Variants in KCNG2 observed in about 807,000 individuals in gnomAD.
KCNG2 encodes the protein potassium voltage-gated channel modifier subfamily G member 2, also known as voltage-gated potassium channel regulatory subunit KCNG2.
A neutral mutation model predicts 12.3 loss-of-function variants in KCNG2; 7 were observed. That is an observed-to-expected ratio of 0.57 (90% CI 0.32 to 1.07). The LOEUF (loss-of-function observed/expected upper bound fraction) is 1.07, where lower values mean the gene tolerates loss of function less well. Among genes scored for constraint, KCNG2 ranks in the 50% least tolerant of loss-of-function variants. KCNG2 has a pLI of 0.04. For missense variants in KCNG2, 703 were observed against 726.0 expected, an observed-to-expected ratio of 0.97 and a Z score of 0.36; for synonymous variants, 414 against 351.4, an observed-to-expected ratio of 1.18 and a Z score of -1.99.
intron 1 of KCNG2, among the ~76,000 whole-genome samples, chr18:79,820,762 C>T (rs1188877151): frequency 1.3e-5 from 2 of 152,152 alleles, no homozygotes; most frequent in Non-Finnish European, 2.9e-5. Flanking sequence ...AATCCTCCCA[C>T]CTCAGCCCCT....
chr18:79,830,010 A>G (rs1978291182), intron 1 of KCNG2, among the ~76,000 whole-genome samples: 1 of 152,234 alleles, frequency 6.6e-6, no homozygotes, highest in African/African-American at 2.4e-5. Flanking sequence ...TGTCTGAGAA[A>G]AAGGCACAAA....
chr18:79,868,035 G>A (rs1035803593), intron 3 of KCNG2, among the ~76,000 whole-genome samples: 19 of 152,230 alleles, frequency 1.2e-4, no homozygotes, highest in African/African-American at 4.6e-4. Context: ...GTCCCCATGA[G>A]GTCCAGGTCC....
intron 2 of KCNG2, among the ~76,000 whole-genome samples, chr18:79,861,320 C>T (rs1979214547): frequency 7.1e-6 from 1 of 140,884 alleles, no homozygotes; most frequent in Admixed American, 7.7e-5. Flanking sequence ...ACTCTGTTAC[C>T]CAGGCTGGAC....
At chr18:79,868,317 C>T (rs1056786609) in intron 3 of KCNG2, among the ~76,000 whole-genome samples, 1 of 151,740 alleles carries the variant, frequency 6.6e-6, no homozygotes, top group Non-Finnish European at 1.5e-5. Flanking sequence ...AGTCGCCCTC[C>T]GCGTGGGGCC....
intron 1 of KCNG2, among the ~76,000 whole-genome samples, chr18:79,846,024 G>A (rs1676989321): frequency 6.6e-6 from 1 of 151,214 alleles, no homozygotes; most frequent in Non-Finnish European, 1.5e-5. Flanking sequence ...CCAGGAGGTG[G>A]AGCTTGCAGT....
Position 79,899,312 on chromosome 18 carries a change from G to T in KCNG2, c.897G>T (p.Met299Ile). The change falls in exon 4 of 4, where the codon ATG (methionine) becomes ATT (isoleucine). Residue 299 changes from methionine to isoleucine, a missense_variant. Coordinates refer to ENST00000316249, the MANE Select transcript of KCNG2 (RefSeq NM_012283.2). ...LLRALRVLYVMRLARHSLGLR... is the reference protein window; with the variant it reads ...LLRALRVLYVIRLARHSLGLR... ...GTGCGCTGCGCGTGCTCTACGTGATGCGCCTGGCGCGCCACTCGCTGGGGC... is the reference window on the plus strand; with the variant it reads ...GTGCGCTGCGCGTGCTCTACGTGATTCGCCTGGCGCGCCACTCGCTGGGGC... 3 of 1,553,412 alleles carry T rather than the reference G, an allele frequency of 1.9e-6. No homozygotes were observed. The highest frequency in any genetic ancestry group is 2.6e-6 in the Non-Finnish European group (3 of 1,159,752).
intron 3 of KCNG2, among the ~76,000 whole-genome samples, chr18:79,896,212 T>C (rs1980969445): frequency 6.6e-6 from 1 of 152,188 alleles, no homozygotes; most frequent in South Asian, 2.1e-4. Context: ...GTGATCCATC[T>C]GCCTTGGCCT....
chr18:79,826,740 CTGAG>C (rs1337856331), intron 1 of KCNG2, among the ~76,000 whole-genome samples: 1 of 138,734 alleles, frequency 7.2e-6, no homozygotes, highest in Non-Finnish European at 1.5e-5. Context: ...AGTGAAAGAA[CTGAG>C]TGAGCAGCTC....
chr18:79,814,799 C>T (rs1267780952), intron 1 of KCNG2, among the ~76,000 whole-genome samples: 1 of 151,982 alleles, frequency 6.6e-6, no homozygotes, highest in Non-Finnish European at 1.5e-5. Flanking sequence ...TGCATAAAGG[C>T]TTAGTAGAAG....
chr18:79,878,029 C>T (rs1016694727), intron 3 of KCNG2, among the ~76,000 whole-genome samples: 2 of 152,274 alleles, frequency 1.3e-5, no homozygotes, highest in Admixed American at 1.3e-4. Flanking sequence ...GTCCGTCCCA[C>T]GTTGCGGTTC....
intron 1 of KCNG2, among the ~76,000 whole-genome samples, chr18:79,823,941 A>G (rs2087591872): frequency 1.3e-5 from 2 of 152,218 alleles, no homozygotes; most frequent in Admixed American, 1.3e-4. Flanking sequence ...AACAGTACAC[A>G]TTCCTTGTGA....
chr18:79,844,776 C>T (rs988923746), intron 1 of KCNG2, among the ~76,000 whole-genome samples: 1 of 152,234 alleles, frequency 6.6e-6, no homozygotes, highest in African/African-American at 2.4e-5. Context: ...TGCTGAGAAA[C>T]TGTTTCTCTC....
At chr18:79,843,293 G>A (rs1009208318) in intron 1 of KCNG2, among the ~76,000 whole-genome samples, 32 of 152,124 alleles carry the variant, frequency 2.1e-4, no homozygotes, top group Non-Finnish European at 4.4e-4. Context: ...TATTTTCCCG[G>A]ACAAACAAAA....
chr18:79,837,691 A>G (rs983983318), intron 1 of KCNG2, among the ~76,000 whole-genome samples: 8 of 152,204 alleles, frequency 5.3e-5, no homozygotes, highest in African/African-American at 1.7e-4. Flanking sequence ...TTCATTGTCC[A>G]TATCTCTATC....
At chr18:79,853,766 G>T (rs1044508516) in intron 1 of KCNG2, among the ~76,000 whole-genome samples, 1 of 152,238 alleles carries the variant, frequency 6.6e-6, no homozygotes, top group African/African-American at 2.4e-5. Flanking sequence ...CAGGCCCAAA[G>T]CCTCAACATC....
intron 1 of KCNG2, among the ~76,000 whole-genome samples, chr18:79,814,400 C>T (rs904002153): frequency 6.6e-6 from 1 of 152,240 alleles, no homozygotes; most frequent in Non-Finnish European, 1.5e-5. Context: ...CTGCGGAATA[C>T]TCTCAGTAGA....
intron 3 of KCNG2, among the ~76,000 whole-genome samples, chr18:79,868,889 G>A (rs1278117992): frequency 6.6e-6 from 1 of 152,196 alleles, no homozygotes; most frequent in Non-Finnish European, 1.5e-5. Flanking sequence ...ACGTGGGTGC[G>A]AGCGCTTCAG....
At chr18:79,876,802 T>C (rs1980091964) in intron 3 of KCNG2, among the ~76,000 whole-genome samples, 1 of 152,210 alleles carries the variant, frequency 6.6e-6, no homozygotes, top group Non-Finnish European at 1.5e-5. Context: ...TTCTTGCAGA[T>C]GCCTCTCATG....
rs1199951495 is a variant in KCNG2 at position 79,863,608 on chromosome 18, G to A, written c.-40-20G>A. On this transcript the variant is annotated intron_variant, in intron 2 of 3. Coordinates refer to ENST00000316249, the MANE Select transcript of KCNG2 (RefSeq NM_012283.2). ...CCAGCTCAGCCCTCGCGACCCTAAC[G>A]CGGTCCGTTCCTTTTGCAGGAGCCG... The A allele has an allele frequency of 4.2e-6, 5 of 1,184,830 alleles. No individual in the cohort carries two copies. The Admixed American group carries it at 1.7e-4, about 40-fold the overall frequency. The allele number at this position is 1,184,830 out of a possible 1,614,324, so 73.4% of individuals were successfully genotyped here.
Sources: gnomAD v4.1 joint callset for allele counts (sites outside exome capture counted in the v4.1 genomes callset) on GRCh38, gnomAD v4.1.1 for gene constraint, MANE v1.5 for transcripts, NCBI Gene and HGNC (gene_info 2026-07-23, HGNC 2026-07-21) for gene names.